Variants in CLDN10 observed in about 807,000 individuals in gnomAD.
CLDN10 encodes claudin 10.
Under a neutral mutation model 22.9 loss-of-function variants are expected in CLDN10, and 15 were observed. The observed-to-expected ratio is 0.65, with a 90% CI of 0.44 to 1.01. The LOEUF (loss-of-function observed/expected upper bound fraction) is 1.01. Among genes scored for constraint, CLDN10 ranks in the 50% least tolerant of loss-of-function variants. CLDN10 has a pLI of 0.00. For synonymous variants in CLDN10, 114 were observed against 111.4 expected (o/e 1.02, Z -0.15); for missense variants, 247 against 287.8 (o/e 0.86, Z 1.03).
rs535858411 is a variant in CLDN10, at chr13:95,572,891, A to T, written c.465-4340A>T. On this transcript the variant is annotated intron_variant, in intron 3 of 4. Transcript: ENST00000299339. ...ATGGCAAACCTAACTCAGAATAGGG[A>T]TTTGGGTGCCAGGAAGACAAAAGCA... Among the ~76,000 whole-genome samples the T allele has an allele frequency of 2.6e-5, 4 of 152,292 alleles. No homozygotes were observed. The South Asian group carries it at 8.3e-4, about 32-fold the overall frequency.
intron 1 of CLDN10, among the ~76,000 whole-genome samples, chr13:95,518,891 T>C (rs777060279): frequency 1.2e-4 from 18 of 152,234 alleles, no homozygotes; most frequent in Non-Finnish European, 2.5e-4. Flanking sequence ...TATAGAATAT[T>C]GGCTGATGTT....
At chr13:95,516,609 A>T (rs1015424992) in intron 1 of CLDN10, among the ~76,000 whole-genome samples, 3 of 152,174 alleles carry the variant, frequency 2.0e-5, no homozygotes, top group African/African-American at 7.2e-5. Flanking sequence ...ACCAATTTTT[A>T]AAAACCCTTA....
At chr13:95,560,497 A>G in intron 3 of CLDN10, 34 bp downstream of exon 3, 1 of 1,509,380 alleles carries the variant, frequency 6.6e-7, no homozygotes, top group South Asian at 1.1e-5. Context: ...TCCAGCTCAC[A>G]GGAAGTGTAT....
In CLDN10 at chr13:95,509,413, C is replaced by T. The variant is rs185190880; in HGVS notation, c.215-50719C>T. On this transcript the variant is annotated intron_variant, in intron 1 of 4. Transcript: ENST00000376873. ...ACAGGAAATTGGCTGGGGGTCAGGT[C>T]TGACATCGAGGAAAATTGAGCATAA... Among the ~76,000 whole-genome samples, 3 of 152,206 alleles carry T rather than the reference C, an allele frequency of 2.0e-5. No individual in the cohort carries two copies. In the East Asian group the frequency reaches 5.8e-4, roughly 29 times the overall value.
chr13:95,519,946 C>G (rs1401480145), intron 1 of CLDN10, among the ~76,000 whole-genome samples: 1 of 152,212 alleles, frequency 6.6e-6, no homozygotes, highest in African/African-American at 2.4e-5. Context: ...GTATGAAAAT[C>G]TAAAGTGCAA....
chr13:95,522,706 A>G (rs1355275371), intron 1 of CLDN10, among the ~76,000 whole-genome samples: 5 of 151,992 alleles, frequency 3.3e-5, no homozygotes, highest in Admixed American at 2.6e-4. Flanking sequence ...ACTTATGTCA[A>G]TTTCACTTTA....
intron 3 of CLDN10, among the ~76,000 whole-genome samples, chr13:95,562,519 T>G (rs2043728756): frequency 6.6e-6 from 1 of 152,226 alleles, no homozygotes; most frequent in African/African-American, 2.4e-5. Context: ...TTATTAATTT[T>G]CTCCTACTTA....
chr13:95,465,209 G>A (rs2042572288), intron 1 of CLDN10, among the ~76,000 whole-genome samples: 1 of 152,126 alleles, frequency 6.6e-6, no homozygotes, highest in East Asian at 1.9e-4. Context: ...ATCAGATCTT[G>A]TGAGACCTAT....
chr13:95,515,179 G>A (rs55801884), intron 1 of CLDN10, among the ~76,000 whole-genome samples: 7,491 of 60,698 alleles, frequency 0.12, 272 homozygotes, highest in Non-Finnish European at 0.18. Flanking sequence ...GGCTAATTAC[G>A]TTTGTTGTTG....
At chr13:95,435,371 C>T (rs2042258194) in intron 1 of CLDN10, among the ~76,000 whole-genome samples, 1 of 152,148 alleles carries the variant, frequency 6.6e-6, no homozygotes. Flanking sequence ...GTTACTAAAG[C>T]ATAATGTGTT....
intron 1 of CLDN10, among the ~76,000 whole-genome samples, chr13:95,461,600 G>A (rs992005120): frequency 6.6e-6 from 1 of 152,210 alleles, no homozygotes; most frequent in Admixed American, 6.5e-5. Flanking sequence ...ACCTCGTCAT[G>A]ATTTGTGAAT....
intron 1 of CLDN10, among the ~76,000 whole-genome samples, chr13:95,539,218 A>G (rs1272322149): frequency 6.6e-6 from 1 of 152,210 alleles, no homozygotes; most frequent in Non-Finnish European, 1.5e-5. Context: ...TTGCTCTCCA[A>G]GAATAGAAAC....
In CLDN10 at chr13:95,479,823, C is replaced by T. The variant is rs906367722; in HGVS notation, c.214+45776C>T. The T allele has an allele frequency of 3.3e-5, 5 of 152,306 alleles. No homozygotes were observed. In the South Asian group the frequency reaches 6.2e-4, roughly 19 times the overall value. The allele number at this position is 152,306 out of a possible 1,614,324, so 9.4% of individuals were successfully genotyped here. A position where few individuals can be genotyped will look rare whatever the true frequency, so the allele number is the denominator to read the frequency against. On this transcript the variant is annotated intron_variant, in intron 1 of 4. Coordinates refer to the CLDN10 transcript ENST00000376873. ...ACAGCACTGTCTGTATGTACAGCTCCTCCCACATCCCCTGCAAGAGTCCAG... is the reference window on the plus strand; with the variant it reads ...ACAGCACTGTCTGTATGTACAGCTCTTCCCACATCCCCTGCAAGAGTCCAG...
At chr13:95,575,019 T>TAATTATTAATAG (rs2043906506) in intron 3 of CLDN10, among the ~76,000 whole-genome samples, 1 of 152,152 alleles carries the variant, frequency 6.6e-6, no homozygotes, top group South Asian at 2.1e-4. Context: ...ATCCCCCAAC[T>TAATTATTAATAG]GGCCACTATT....
At chr13:95,519,222 T>C (rs915419171) in intron 1 of CLDN10, among the ~76,000 whole-genome samples, 1 of 152,202 alleles carries the variant, frequency 6.6e-6, no homozygotes, top group African/African-American at 2.4e-5. Flanking sequence ...GGCTTAAAGA[T>C]CTGGGCTTTT....
At chr13:95,517,605 G>C (rs1013662572) in intron 1 of CLDN10, among the ~76,000 whole-genome samples, 1 of 152,096 alleles carries the variant, frequency 6.6e-6, no homozygotes, top group Non-Finnish European at 1.5e-5. Context: ...AGAATTTCCT[G>C]ACAAGATTCT....
chr13:95,547,200 G>A (rs987171214), intron 1 of CLDN10, among the ~76,000 whole-genome samples: 8 of 151,792 alleles, frequency 5.3e-5, no homozygotes, highest in Non-Finnish European at 8.8e-5. Flanking sequence ...AAATTTAACT[G>A]TCCTCCAGTT....
chr13:95,504,327 T>C (rs2043015636), intron 1 of CLDN10, among the ~76,000 whole-genome samples: 1 of 152,220 alleles, frequency 6.6e-6, no homozygotes, highest in South Asian at 2.1e-4. Flanking sequence ...GAAACATTAA[T>C]CACATTTACT....
intron 1 of CLDN10, among the ~76,000 whole-genome samples, chr13:95,478,503 A>G (rs1265442136): frequency 6.6e-6 from 1 of 152,188 alleles, no homozygotes; most frequent in Non-Finnish European, 1.5e-5. Context: ...CTGTACCAGG[A>G]CCAGAGAACA....
Sources: allele counts gnomAD v4.1 joint callset (sites outside exome capture counted in the v4.1 genomes callset), GRCh38; gene constraint gnomAD v4.1.1; transcripts MANE v1.5; gene names NCBI Gene and HGNC (gene_info 2026-07-23, HGNC 2026-07-21).